Variants in PTK2 observed in about 807,000 individuals in gnomAD.
PTK2 encodes protein tyrosine kinase 2.
A neutral mutation model predicts 150.1 loss-of-function variants in PTK2; 45 were observed. The ratio of observed to expected loss-of-function variants is 0.30; its 90% CI spans 0.24 to 0.38. The LOEUF is 0.38. Among genes scored for constraint, PTK2 ranks in the 10% least tolerant of loss-of-function variants. The pLI is 1.00. For synonymous variants in PTK2, 432 were observed against 449.2 expected (o/e 0.96, Z 0.48); for missense variants, 919 against 1,307.3 (o/e 0.70, Z 4.58).
intron 1 of PTK2, among the ~76,000 whole-genome samples, chr8:140,946,970 G>C (rs1051776861): frequency 3.3e-5 from 5 of 152,002 alleles, no homozygotes; most frequent in Admixed American, 6.6e-5. Context: ...AACAAGCCTG[G>C]AAAAAAGTCC....
At chr8:140,805,353 G>A (rs2100097594) in intron 10 of PTK2, among the ~76,000 whole-genome samples, 1 of 152,086 alleles carries the variant, frequency 6.6e-6, no homozygotes, top group Non-Finnish European at 1.5e-5. Flanking sequence ...GAGGTCAGGA[G>A]ATTGAGACCA....
Position 140,963,851 on chromosome 8 carries a change from G to A in PTK2, c.-122+37274C>T, listed in dbSNP as rs534741267. On this transcript the variant is annotated intron_variant, in intron 1 of 31. Coordinates refer to ENST00000522684, the Ensembl canonical transcript of PTK2. ...AATATTCCAGGGGGAACAGGGAAGA[G>A]GAGAACTTGAGGGGGGTTAGGGGGT... 1.6e-3 allele frequency among the ~76,000 whole-genome samples: 247 copies of A among 152,244 alleles called. 1 individual carries two copies. The Middle Eastern group carries it at 0.041, about 25-fold the overall frequency.
At chr8:140,786,933 C>T (rs2100085316) in intron 14 of PTK2, among the ~76,000 whole-genome samples, 2 of 151,944 alleles carry the variant, frequency 1.3e-5, no homozygotes, top group African/African-American at 4.8e-5. Flanking sequence ...ATGGGAGAGC[C>T]ACAGCCACCA....
At chr8:140,993,285 T>C (rs2100196425) in intron 1 of PTK2, among the ~76,000 whole-genome samples, 2 of 152,182 alleles carry the variant, frequency 1.3e-5, no homozygotes, top group South Asian at 4.1e-4. Context: ...AGTGCTGGAA[T>C]TACAGGCATG....
chr8:140,870,436 TG>T (rs1567880325), intron 4 of PTK2, among the ~76,000 whole-genome samples: 1 of 152,226 alleles, frequency 6.6e-6, no homozygotes, highest in East Asian at 1.9e-4. Context: ...GTGAGCTAAG[TG>T]CTCAATTTAG....
At chr8:140,965,301 C>T (rs2100184848) in intron 1 of PTK2, among the ~76,000 whole-genome samples, 1 of 152,132 alleles carries the variant, frequency 6.6e-6, no homozygotes, top group Non-Finnish European at 1.5e-5. Flanking sequence ...ATCTGCTGCT[C>T]CTTCTACCTA....
chr8:140,768,887 A>T (rs1444268108), intron 14 of PTK2, among the ~76,000 whole-genome samples: 1 of 152,156 alleles, frequency 6.6e-6, no homozygotes, highest in Non-Finnish European at 1.5e-5. Flanking sequence ...ACAAAAATGA[A>T]CATAGGTGAA....
At chr8:140,882,990 CTGT>C (rs1211826093) in intron 3 of PTK2, among the ~76,000 whole-genome samples, 1 of 152,134 alleles carries the variant, frequency 6.6e-6, no homozygotes, top group Non-Finnish European at 1.5e-5. Context: ...AGGTATTTTA[CTGT>C]TGTTATGATG....
At chr8:140,720,879 A>C (rs952743284) in intron 22 of PTK2, among the ~76,000 whole-genome samples, 2 of 152,034 alleles carry the variant, frequency 1.3e-5, no homozygotes, top group African/African-American at 4.8e-5. Flanking sequence ...TCAGCCTCCC[A>C]AGTAGCTGGG....
chr8:140,694,412 T>G (rs1363649731), intron 26 of PTK2, among the ~76,000 whole-genome samples: 1 of 152,194 alleles, frequency 6.6e-6, no homozygotes, highest in African/African-American at 2.4e-5. Context: ...AAGTCTGGCT[T>G]ATATTTTTAT....
intron 16 of PTK2, among the ~76,000 whole-genome samples, chr8:140,753,570 G>C (rs1256456522): frequency 6.6e-6 from 1 of 152,222 alleles, no homozygotes; most frequent in East Asian, 1.9e-4. Flanking sequence ...GAAGAGGTCA[G>C]GGACAAGAGT....
intron 7 of PTK2, among the ~76,000 whole-genome samples, chr8:140,840,128 A>G (rs1407075454): frequency 6.6e-6 from 1 of 152,208 alleles, no homozygotes; most frequent in Non-Finnish European, 1.5e-5. Context: ...GCATGATCAT[A>G]GCTCACTGCA....
chr8:140,771,779 ATT>A (rs34027936), intron 14 of PTK2, among the ~76,000 whole-genome samples: 66 of 134,926 alleles, frequency 4.9e-4, no homozygotes, highest in African/African-American at 7.7e-4. Context: ...TCCTATTAAC[ATT>A]TTTTTTTTTT....
chr8:140,974,909 C>A (rs1057357979), intron 1 of PTK2, among the ~76,000 whole-genome samples: 2 of 152,068 alleles, frequency 1.3e-5, no homozygotes, highest in African/African-American at 4.8e-5. Context: ...GAACTCATCA[C>A]CAAAGAAAAA....
intron 10 of PTK2, among the ~76,000 whole-genome samples, chr8:140,814,577 T>A (rs772059899): frequency 6.6e-6 from 1 of 152,252 alleles, no homozygotes; most frequent in Admixed American, 6.5e-5. Context: ...TCTTGACAGA[T>A]GCAGAAAAGG....
In PTK2 at chr8:140,718,896, G is replaced by A. The variant is rs181063605; in HGVS notation, c.2031-1187C>T. Among the ~76,000 whole-genome samples, 1,271 of 152,308 alleles carry A rather than the reference G, an allele frequency of 8.3e-3. 3 individuals carry two copies. The highest frequency in any genetic ancestry group is 0.024 in the Middle Eastern group (7 of 294). ...CTGCCTCAAGAAATGATCACATCAGGACCGGGCATGGTGGCTCACGCCTGT... is the reference window on the plus strand; with the variant it reads ...CTGCCTCAAGAAATGATCACATCAGAACCGGGCATGGTGGCTCACGCCTGT... On this transcript the variant is annotated intron_variant, in intron 22 of 31. Transcript: ENST00000522684.
intron 1 of PTK2, among the ~76,000 whole-genome samples, chr8:140,952,208 C>T (rs991050721): frequency 2.6e-5 from 4 of 152,116 alleles, no homozygotes; most frequent in African/African-American, 7.2e-5. Context: ...AAGTTAACTG[C>T]GGGTTAAGCA....
At chr8:140,778,540 T>C (rs1222356087) in intron 14 of PTK2, among the ~76,000 whole-genome samples, 1 of 151,788 alleles carries the variant, frequency 6.6e-6, no homozygotes, top group Non-Finnish European at 1.5e-5. Context: ...ATGCTGGAGG[T>C]TTAAGGAAAG....
intron 14 of PTK2, among the ~76,000 whole-genome samples, chr8:140,769,139 C>T (rs1177011950): frequency 6.6e-6 from 1 of 152,120 alleles, no homozygotes; most frequent in Admixed American, 6.5e-5. Context: ...TTCCCTAATT[C>T]CGTTAGTTTC....
Sources: allele counts gnomAD v4.1 joint callset (sites outside exome capture counted in the v4.1 genomes callset), GRCh38; gene constraint gnomAD v4.1.1; transcripts MANE v1.5; gene names NCBI Gene and HGNC (gene_info 2026-07-23, HGNC 2026-07-21).